Variants in GALNT6 observed in about 807,000 individuals in gnomAD.
GALNT6 encodes the protein polypeptide N-acetylgalactosaminyltransferase 6, also known as GalNAc transferase 6.
In GALNT6, 51 loss-of-function variants were observed where a neutral mutation model predicts 65.9. The ratio of observed to expected loss-of-function variants is 0.77; its 90% CI spans 0.62 to 0.98. GALNT6 has a LOEUF of 0.98. Ranked by LOEUF, GALNT6 falls within the 50% of genes least tolerant of loss-of-function variation. The pLI, the probability that GALNT6 is intolerant of heterozygous loss-of-function variation, is 0.00. For synonymous variants in GALNT6, 323 were observed against 315.1 expected, an observed-to-expected ratio of 1.02 and a Z score of -0.26; for missense variants, 708 against 803.3, an observed-to-expected ratio of 0.88 and a Z score of 1.43.
chr12:51,370,621 G>A (rs1404395714), intron 4 of GALNT6, among the ~76,000 whole-genome samples: 1 of 152,212 alleles, frequency 6.6e-6, no homozygotes, highest in African/African-American at 2.4e-5. Flanking sequence ...GACAAATACT[G>A]TATGATTCCA....
At chr12:51,379,198 C>G in intron 3 of GALNT6, 93 bp downstream of exon 3, 1 of 1,317,030 alleles carries the variant, frequency 7.6e-7, no homozygotes, top group Non-Finnish European at 1.0e-6. Flanking sequence ...CCCTTCAACT[C>G]TTTCTCTGGC....
At chr12:51,356,353 CTTTTTTTTTT>C (rs58408607) in intron 10 of GALNT6, among the ~76,000 whole-genome samples, 4 of 66,942 alleles carry the variant, frequency 6.0e-5, no homozygotes, top group African/African-American at 1.7e-4. Flanking sequence ...TATATTTTCT[CTTTTTTTTTT>C]TTTTTTTTTT....
chr12:51,383,586 G>T (rs1947737761), intron 2 of GALNT6: 1 of 152,110 alleles, frequency 6.6e-6, no homozygotes, highest in Non-Finnish European at 1.5e-5. Context: ...ATTTTCCCTG[G>T]AGAAAGAAAT....
At chr12:51,373,950 G>A (rs553162073) in intron 4 of GALNT6, among the ~76,000 whole-genome samples, 4 of 152,190 alleles carry the variant, frequency 2.6e-5, no homozygotes, top group Admixed American at 1.3e-4. Flanking sequence ...GTCTCAGCCT[G>A]CTGGGCTCAA....
rs1479788175 is a variant in GALNT6, at chr12:51,387,096, T to C, written c.-104+3754A>G. On this transcript the variant is annotated intron_variant, in intron 2 of 11. Coordinates refer to ENST00000356317, the MANE Select transcript of GALNT6 (RefSeq NM_007210.4). The surrounding 1 kb of genome is among the most constrained non-coding windows in gnomAD (Gnocchi z 4.2). ...AACATATCAAGGTTCATTTTATGTTTGCATAATTTTTTTTTTTTTGAGATG... is the reference window on the plus strand; with the variant it reads ...AACATATCAAGGTTCATTTTATGTTCGCATAATTTTTTTTTTTTTGAGATG... Among the ~76,000 whole-genome samples the C allele has an allele frequency of 2.0e-5, 3 of 152,110 alleles. No homozygotes were observed. The highest frequency in any genetic ancestry group is 7.2e-5 in the African/African-American group (3 of 41,396).
At chr12:51,372,019 G>A (rs1012404879) in intron 4 of GALNT6, among the ~76,000 whole-genome samples, 8 of 152,206 alleles carry the variant, frequency 5.3e-5, no homozygotes, top group Non-Finnish European at 1.0e-4. Flanking sequence ...TATCTCTAGC[G>A]TCTGAAAGCC....
rs1354014335 is a variant in GALNT6, at chr12:51,355,867, C to T, written c.1694G>A (p.Ser565Asn). 8 of 1,613,994 alleles carry T rather than the reference C, an allele frequency of 5.0e-6. No homozygotes were observed. The highest frequency in any genetic ancestry group is 4.2e-6 in the Non-Finnish European group (5 of 1,179,898). The stretch of plus-strand genomic sequence containing the variant: ...GCTATTCTTGCCAGTGAAGTGACAG[C>T]TCCCAAGGCCCAGAGCACCCTTGCT... ...HVSKGALGLGSCHFTGKNSQV... is the reference protein window; with the variant it reads ...HVSKGALGLGNCHFTGKNSQV... The change falls in exon 11 of 12, where the codon AGC becomes AAC. Residue 565 changes from serine to asparagine, a missense_variant. Coordinates refer to ENST00000356317, the MANE Select transcript of GALNT6 (RefSeq NM_007210.4).
rs978851764 is a variant in GALNT6, at chr12:51,353,331, C to T, written c.*1048G>A. 2.6e-5 allele frequency: 4 copies of T among 151,372 alleles called. No individual in the cohort carries two copies. Among genetic ancestry groups the T allele is most frequent in the South Asian group, 2.1e-4 (1 of 4,784 alleles). The allele number at this position is 151,372 out of a possible 1,614,324, so 9.4% of individuals were successfully genotyped here. A position where few individuals can be genotyped will look rare whatever the true frequency, so the allele number is the denominator to read the frequency against. On this transcript the variant is annotated 3_prime_UTR_variant, in exon 12 of 12. Transcript: ENST00000356317. ...TCAGGTAATAATAGCAAGGGAGGAT[C>T]TCTTAGACCTCTGATCTGTCTGTTA...
At chr12:51,362,177 C>A (rs1946944367) in intron 6 of GALNT6, among the ~76,000 whole-genome samples, 1 of 152,172 alleles carries the variant, frequency 6.6e-6, no homozygotes, top group African/African-American at 2.4e-5. Context: ...TGGAAGCCAA[C>A]CTGCTTCCTC....
In GALNT6 at chr12:51,360,687, T is replaced by C. The variant is rs774957656; in HGVS notation, c.1167+34A>G. On this transcript the variant is annotated intron_variant, in intron 7 of 11. Transcript: ENST00000356317. ...GTTTCTCAAGCTGTCGCCTGGGATG[T>C]TGTGGTTCCCCCCAAAGCCCTCTTC... 10 of 1,235,428 alleles carry C rather than the reference T, an allele frequency of 8.1e-6. No individual in the cohort carries two copies. In the Middle Eastern group the frequency reaches 5.7e-4, roughly 70 times the overall value. 76.5% of individuals were successfully genotyped at this position (1,235,428 alleles called of 1,614,324 possible). A position where few individuals can be genotyped will look rare whatever the true frequency, so the allele number is the denominator to read the frequency against.
At chr12:51,385,254 G>A (rs1706267360) in intron 2 of GALNT6, among the ~76,000 whole-genome samples, 1 of 152,140 alleles carries the variant, frequency 6.6e-6, no homozygotes. Context: ...CTCCCAAAGT[G>A]CTGGGATTAC....
rs1947895271 is a variant in GALNT6, at chr12:51,387,993, G to A, written c.-104+2857C>T. Among the ~76,000 whole-genome samples, 1 of 152,154 alleles carries A rather than the reference G, an allele frequency of 6.6e-6. No individual in the cohort carries two copies. The highest frequency in any genetic ancestry group is 2.4e-5 in the African/African-American group (1 of 41,428). On this transcript the variant is annotated intron_variant, in intron 2 of 11. Coordinates refer to ENST00000356317, the MANE Select transcript of GALNT6 (RefSeq NM_007210.4). The surrounding 1 kb of genome is among the most constrained non-coding windows in gnomAD (Gnocchi z 4.2). ...CTCAATGTACCATCCCCTGGGCTCA[G>A]GGTCTGTGCCCAGCCTCCTCTGCTA...
At chr12:51,378,888 C>CCCG (rs1555180331) in intron 3 of GALNT6, among the ~76,000 whole-genome samples, 4 of 145,366 alleles carry the variant, frequency 2.8e-5, no homozygotes, top group East Asian at 4.8e-4. Flanking sequence ...GCCCACCCCC[C>CCCG]CCCCAAACAG....
At chr12:51,365,119 T>C (rs1947053459) in intron 5 of GALNT6, among the ~76,000 whole-genome samples, 1 of 152,186 alleles carries the variant, frequency 6.6e-6, no homozygotes, top group South Asian at 2.1e-4. Flanking sequence ...GAGGCCTCTC[T>C]GAGGGGCCAA....
intron 4 of GALNT6, among the ~76,000 whole-genome samples, chr12:51,371,959 A>G (rs1947306722): frequency 1.3e-5 from 2 of 152,124 alleles, no homozygotes; most frequent in Admixed American, 1.3e-4. Context: ...CTGACCATGG[A>G]TCTGAGGGTT....
chr12:51,377,361 C>A lies in GALNT6; in HGVS notation c.498G>T (p.Val166=), dbSNP rs563180148. Reference sequence around the variant, plus strand: ...GGGGGCAGCGCCGGAACTTCTGGTCCACACACCTGGAAGTATGAAAGTACG... The same window carrying A: ...GGGGGCAGCGCCGGAACTTCTGGTCAACACACCTGGAAGTATGAAAGTACG... ...LGPDTRPPEC[V]DQKFRRCPPL... Residue 166 remains valine, a synonymous_variant, in exon 4 of 12, where the codon GTG becomes GTT. Transcript: ENST00000356317. The A allele has an allele frequency of 1.0e-4, 162 of 1,612,358 alleles. No individual in the cohort carries two copies. The East Asian group carries it at 3.3e-3, about 33-fold the overall frequency.
At position 51,387,410 on chromosome 12, in the gene GALNT6, A is replaced by G. The variant is rs142720786; in HGVS notation, c.-104+3440T>C. Reference sequence around the variant, plus strand: ...CCAATGCATCCAGCCTGTTTGCATGATATTTTAAGCTTAAATTACCCAAAC... The same window carrying G: ...CCAATGCATCCAGCCTGTTTGCATGGTATTTTAAGCTTAAATTACCCAAAC... On this transcript the variant is annotated intron_variant, in intron 2 of 11. Coordinates refer to ENST00000356317, the MANE Select transcript of GALNT6 (RefSeq NM_007210.4). This position sits in a 1 kb window ranked among gnomAD's most constrained non-coding sequence, Gnocchi z 4.2. 1.4e-4 allele frequency among the ~76,000 whole-genome samples: 21 copies of G among 152,284 alleles called. No individual in the cohort carries two copies. The highest frequency in any genetic ancestry group is 5.1e-4 in the African/African-American group (21 of 41,564).
chr12:51,355,654 G>C, intron 11 of GALNT6, 152 bp downstream of exon 11: 1 of 572,548 alleles, frequency 1.7e-6, no homozygotes, highest in South Asian at 1.9e-5. Context: ...ATTATTAGTA[G>C]AGATGGGGTT....
In GALNT6 at chr12:51,377,656, T is replaced by A. The variant is rs190916453; in HGVS notation, c.492-289A>T. Among the ~76,000 whole-genome samples, 73 of 152,286 alleles carry A rather than the reference T, an allele frequency of 4.8e-4. 1 individual carries two copies. The highest frequency in any genetic ancestry group is 1.7e-3 in the African/African-American group (70 of 41,562). Reference sequence around the variant, plus strand: ...GAGGCTCCTCCACCCCCTTCCTTCATCTGCTATCTGCTCTCAGGCTAGGAG... The same window carrying A: ...GAGGCTCCTCCACCCCCTTCCTTCAACTGCTATCTGCTCTCAGGCTAGGAG... On this transcript the variant is annotated intron_variant, in intron 3 of 11. Transcript: ENST00000356317.
Sources: allele counts gnomAD v4.1 joint callset (sites outside exome capture counted in the v4.1 genomes callset), GRCh38; gene constraint gnomAD v4.1.1; non-coding constraint Gnocchi (gnomAD v3.1); transcripts MANE v1.5; gene names NCBI Gene and HGNC (gene_info 2026-07-23, HGNC 2026-07-21).